Variants in BCL7B observed in about 807,000 individuals in gnomAD.
BCL7B encodes BAF chromatin remodeling complex subunit BCL7B.
In BCL7B, 11 loss-of-function variants were observed where a neutral mutation model predicts 26.5. The ratio of observed to expected loss-of-function variants is 0.42; its 90% CI spans 0.26 to 0.69. BCL7B has a LOEUF of 0.69. Among genes scored for constraint, BCL7B ranks in the 30% least tolerant of loss-of-function variants. The pLI, the probability that BCL7B is intolerant of heterozygous loss-of-function variation, is 0.28. For missense variants in BCL7B, 215 were observed against 264.4 expected, an observed-to-expected ratio of 0.81 and a Z score of 1.30; for synonymous variants, 111 against 107.9, an observed-to-expected ratio of 1.03 and a Z score of -0.18.
rs782348963 is a variant in BCL7B, at chr7:73,552,212, C to T, written c.123G>A (p.Thr41=). ...GAACCCACTTAAATATCCTCAGGGA[C>T]GTGTCACCCACAGTCACCCACTTCT... The part of the protein sequence containing the change: ...WEKKWVTVGD[T]SLRIFKWVPV... The change falls in exon 2 of 6, where the codon ACG becomes ACA. Residue 41 remains threonine, a synonymous_variant. Transcript: ENST00000223368. The T allele has an allele frequency of 1.6e-5, 26 of 1,610,610 alleles. No individual in the cohort carries two copies. The highest frequency in any genetic ancestry group is 1.6e-4 in the East Asian group (7 of 44,838).
chr7:73,539,421 T>A (rs929656552), intron 4 of BCL7B, among the ~76,000 whole-genome samples: 1 of 151,850 alleles, frequency 6.6e-6, no homozygotes, highest in Non-Finnish European at 1.5e-5. Flanking sequence ...CCAACTAAAT[T>A]TTTTATGTTT....
intron 5 of BCL7B, 48 bp from the exon 6 acceptor site, chr7:73,537,438 G>A (rs1421492127): frequency 6.9e-7 from 1 of 1,452,144 alleles, no homozygotes; most frequent in Non-Finnish European, 9.7e-7. Flanking sequence ...CTCCCAACCA[G>A]AACCTTCCCA....
chr7:73,549,595 TC>T (rs1164594785), intron 2 of BCL7B, among the ~76,000 whole-genome samples: 1 of 152,112 alleles, frequency 6.6e-6, no homozygotes, highest in African/African-American at 2.4e-5. Context: ...GATCATTTGA[TC>T]CCAGGAATTT....
intron 1 of BCL7B, among the ~76,000 whole-genome samples, chr7:73,556,827 C>T (rs1366275761): frequency 6.6e-6 from 1 of 152,272 alleles, no homozygotes; most frequent in African/African-American, 2.4e-5. Context: ...AAATGATGAA[C>T]GGACTGGGGA....
intron 1 of BCL7B, among the ~76,000 whole-genome samples, chr7:73,555,308 G>C (rs1389821901): frequency 6.6e-6 from 1 of 151,266 alleles, no homozygotes; most frequent in Non-Finnish European, 1.5e-5. Context: ...GGGAGGCTGA[G>C]GCAGAATTGC....
chr7:73,542,894 G>A, intron 3 of BCL7B: 1 of 445,724 alleles, frequency 2.2e-6, no homozygotes, highest in Non-Finnish European at 4.5e-6. Flanking sequence ...GGACAACATA[G>A]CCAGACTCTG....
intron 4 of BCL7B, among the ~76,000 whole-genome samples, chr7:73,539,117 G>A (rs1354168972): frequency 1.3e-5 from 2 of 152,066 alleles, no homozygotes; most frequent in African/African-American, 2.4e-5. Context: ...GCGCCACCAT[G>A]CCTGGCTAAT....
At chr7:73,547,224 A>T (rs1253377316) in intron 2 of BCL7B, among the ~76,000 whole-genome samples, 1 of 152,068 alleles carries the variant, frequency 6.6e-6, no homozygotes, top group Non-Finnish European at 1.5e-5. Context: ...GCACTTTGGG[A>T]GGCCAAGACA....
intron 2 of BCL7B, among the ~76,000 whole-genome samples, chr7:73,550,074 T>C (rs1315120594): frequency 2.6e-5 from 4 of 152,224 alleles, no homozygotes; most frequent in African/African-American, 9.6e-5. Flanking sequence ...TACTTCTCTG[T>C]ATGTGTTTTA....
At chr7:73,541,465 CTT>C (rs781916545) in intron 3 of BCL7B, among the ~76,000 whole-genome samples, 45 of 136,466 alleles carry the variant, frequency 3.3e-4, no homozygotes, top group Admixed American at 3.7e-4. Flanking sequence ...ATACCCAGTA[CTT>C]TTTTTTTTTT....
Position 73,542,703 on chromosome 7 carries a change from G to C in BCL7B, c.265+845C>G, listed in dbSNP as rs2115757629. 1.0e-5 allele frequency: 2 copies of C among 197,972 alleles called. 1 individual carries two copies. Among genetic ancestry groups the C allele is most frequent in the Admixed American group, 1.0e-4 (2 of 19,222 alleles). The allele number at this position is 197,972 out of a possible 1,614,324, so 12.3% of individuals were successfully genotyped here. On this transcript the variant is annotated intron_variant, in intron 3 of 5. Transcript: ENST00000223368. Reference sequence around the variant, plus strand: ...CATGACTACGGTGATGATCCGGCGGGATTGGTTTAGGAGGCAGAACATGTC... The same window carrying C: ...CATGACTACGGTGATGATCCGGCGGCATTGGTTTAGGAGGCAGAACATGTC...
chr7:73,549,956 G>A (rs1554583922), intron 2 of BCL7B, among the ~76,000 whole-genome samples: 2 of 152,222 alleles, frequency 1.3e-5, no homozygotes, highest in Non-Finnish European at 2.9e-5. Context: ...GATGGGAAGA[G>A]CTGCAGAGAG....
rs782209775 is a variant in BCL7B at position 73,537,253 on chromosome 7, G to A, written c.*45C>T. 36 of 1,591,636 alleles carry A rather than the reference G, an allele frequency of 2.3e-5. No individual in the cohort carries two copies. Among genetic ancestry groups the A allele is most frequent in the Non-Finnish European group, 2.8e-5 (32 of 1,160,644 alleles). On this transcript the variant is annotated 3_prime_UTR_variant, in exon 6 of 6. Transcript: ENST00000223368. ...AACGCGGCGCGGCCAGAACCAGAATGCAATAAATAGAGGCAGGGCCAGGAG... is the reference window on the plus strand; with the variant it reads ...AACGCGGCGCGGCCAGAACCAGAATACAATAAATAGAGGCAGGGCCAGGAG...
chr7:73,541,362 A>G (rs928072239), intron 3 of BCL7B, among the ~76,000 whole-genome samples: 2 of 151,982 alleles, frequency 1.3e-5, no homozygotes, highest in Non-Finnish European at 2.9e-5. Context: ...CCCTGCCTCC[A>G]GTCTCACGTA....
chr7:73,546,935 C>G (rs1272230138), intron 2 of BCL7B, among the ~76,000 whole-genome samples: 1 of 151,828 alleles, frequency 6.6e-6, no homozygotes, highest in African/African-American at 2.4e-5. Context: ...GAGGCCAAGG[C>G]GGGCGGATCA....
chr7:73,551,647 G>A (rs781906184), intron 2 of BCL7B, among the ~76,000 whole-genome samples: 1 of 152,078 alleles, frequency 6.6e-6, no homozygotes, highest in African/African-American at 2.4e-5. Context: ...TAAGGAATAC[G>A]CCAGGGCTGT....
intron 4 of BCL7B, among the ~76,000 whole-genome samples, chr7:73,538,841 AAAG>A (rs1163530409): frequency 4.7e-4 from 72 of 151,660 alleles, no homozygotes; most frequent in Middle Eastern, 3.4e-3. Context: ...AAAAAAAAGA[AAAG>A]AAAAAAATTT....
At chr7:73,556,732 C>T (rs1792373936) in intron 1 of BCL7B, among the ~76,000 whole-genome samples, 1 of 152,194 alleles carries the variant, frequency 6.6e-6, no homozygotes, top group African/African-American at 2.4e-5. Context: ...AGCAATCCTC[C>T]CACCACAGCC....
intron 2 of BCL7B, among the ~76,000 whole-genome samples, chr7:73,545,948 G>A (rs111816009): frequency 0.046 from 6,959 of 152,034 alleles, 196 homozygotes; most frequent in Non-Finnish European, 0.066. Flanking sequence ...TGGCTAACAC[G>A]GTTTTCACCC....
Sources: gnomAD v4.1 joint callset for allele counts (sites outside exome capture counted in the v4.1 genomes callset) on GRCh38, gnomAD v4.1.1 for gene constraint, MANE v1.5 for transcripts, NCBI Gene and HGNC (gene_info 2026-07-23, HGNC 2026-07-21) for gene names.